ATXN1: variants seen among roughly 807,000 people sequenced by gnomAD.
ATXN1 encodes the protein ataxin 1, also known as ataxin-1.
In ATXN1, 8 loss-of-function variants were observed where a neutral mutation model predicts 56.4. The ratio of observed to expected loss-of-function variants is 0.14; its 90% CI spans 0.08 to 0.26. The LOEUF is 0.26. Ranked by LOEUF, ATXN1 falls within the 10% of genes least tolerant of loss-of-function variation. The pLI, the probability that ATXN1 is intolerant of heterozygous loss-of-function variation, is 1.00. For synonymous variants in ATXN1, 514 were observed against 494.6 expected (o/e 1.04, Z -0.52); for missense variants, 987 against 1,106.5 (o/e 0.89, Z 1.53).
intron 6 of ATXN1, among the ~76,000 whole-genome samples, chr6:16,341,877 A>ATTTTTTTTTTT (rs34092584): frequency 1.2e-5 from 1 of 86,860 alleles, no homozygotes; most frequent in African/African-American, 4.9e-5. Context: ...TGTCTCAGTG[A>ATTTTTTTTTTT]TTTTTTTTTT....
At chr6:16,415,118 G>GT (rs1400261539) in intron 6 of ATXN1, among the ~76,000 whole-genome samples, 7 of 152,222 alleles carry the variant, frequency 4.6e-5, no homozygotes, top group Admixed American at 2.0e-4. Context: ...TTCTATCTTG[G>GT]TTTGTACAAC....
chr6:16,670,409 C>T (rs1485242041), intron 2 of ATXN1, among the ~76,000 whole-genome samples: 1 of 152,158 alleles, frequency 6.6e-6, no homozygotes, highest in Admixed American at 6.5e-5. Context: ...ACTCTCCAAA[C>T]TATCACTAAA....
chr6:16,759,530 G>GTTTTT lies in ATXN1; in HGVS notation c.-730+1763_-730+1767dup, dbSNP rs1046854905. On this transcript the variant is annotated intron_variant, in intron 1 of 7. Transcript: ENST00000436367. ...ATTATATAACCAGCTTCTTCCGACTGTTTTTTTTTTTTTTTTTTTTTTTTT... is the reference window on the plus strand; with the variant it reads ...ATTATATAACCAGCTTCTTCCGACTGTTTTTTTTTTTTTTTTTTTTTTTTTTTTTT... Among the ~76,000 whole-genome samples, 457 of 45,976 alleles carry GTTTTT rather than the reference G, an allele frequency of 9.9e-3. 116 individuals are homozygous for GTTTTT. The highest frequency in any genetic ancestry group is 0.023 in the East Asian group (35 of 1,530). 30.2% of individuals were successfully genotyped at this position (45,976 alleles called of 152,430 possible).
intron 6 of ATXN1, among the ~76,000 whole-genome samples, chr6:16,395,828 C>G (rs138299893): frequency 1.1e-3 from 168 of 151,690 alleles, no homozygotes; most frequent in Non-Finnish European, 1.9e-3. Context: ...CCATCCTGGC[C>G]AACATGGTGA....
At chr6:16,739,867 C>T (rs544043932) in intron 2 of ATXN1, 17 of 456,972 alleles carry the variant, frequency 3.7e-5, no homozygotes, top group Middle Eastern at 3.2e-4. Context: ...GGACTTCCAA[C>T]GAAGATCTTG....
intron 6 of ATXN1, among the ~76,000 whole-genome samples, chr6:16,381,105 C>A (rs1758099632): frequency 6.6e-6 from 1 of 152,158 alleles, no homozygotes; most frequent in Non-Finnish European, 1.5e-5. Context: ...GTCTAGCCAA[C>A]ATGGTGAAAC....
At chr6:16,545,393 CTT>C (rs35242778) in intron 4 of ATXN1, among the ~76,000 whole-genome samples, 1 of 144,260 alleles carries the variant, frequency 6.9e-6, no homozygotes, top group African/African-American at 2.5e-5. Flanking sequence ...GATTTCTTGT[CTT>C]TTTTTTTTTT....
intron 4 of ATXN1, among the ~76,000 whole-genome samples, chr6:16,561,149 C>A (rs1010379096): frequency 4.6e-5 from 7 of 151,972 alleles, no homozygotes; most frequent in Admixed American, 1.3e-4. Flanking sequence ...ATCCCTGATG[C>A]CTTGGGTATC....
rs1158408971 is a variant in ATXN1, at chr6:16,326,295, C to A, written c.1917+99G>T. On this transcript the variant is annotated intron_variant, in intron 7 of 7. Transcript: ENST00000436367. The surrounding 1 kb of genome is among the most constrained non-coding windows in gnomAD (Gnocchi z 6.6). ...TCTAAGGTCTAGGTGTACCCGAGAA[C>A]CCTTAATCCTGCCTCATAGAAGCAA... is the stretch of plus-strand genomic sequence containing the variant. 3.9e-6 allele frequency: 6 copies of A among 1,545,200 alleles called. No homozygotes were observed. In the East Asian group the frequency reaches 9.1e-5, roughly 23 times the overall value.
chr6:16,711,481 T>A (rs141391935), intron 2 of ATXN1, among the ~76,000 whole-genome samples: 2 of 151,582 alleles, frequency 1.3e-5, no homozygotes, highest in South Asian at 2.1e-4. Context: ...TGAGAAAAAA[T>A]TCATATTTCT....
intron 4 of ATXN1, among the ~76,000 whole-genome samples, chr6:16,529,289 A>C (rs1165161508): frequency 6.8e-6 from 1 of 146,732 alleles, no homozygotes; most frequent in East Asian, 2.0e-4. Flanking sequence ...AAAGTTGTGT[A>C]TTAGTGCCCA....
At chr6:16,490,361 A>G (rs967934859) in intron 5 of ATXN1, among the ~76,000 whole-genome samples, 1 of 152,140 alleles carries the variant, frequency 6.6e-6, no homozygotes, top group Admixed American at 6.5e-5. Context: ...TGCTATTCCT[A>G]AAAGAATTTA....
chr6:16,548,067 G>A (rs143703955), intron 4 of ATXN1, among the ~76,000 whole-genome samples: 112 of 152,308 alleles, frequency 7.4e-4, no homozygotes, highest in African/African-American at 2.5e-3. Flanking sequence ...AGATGGGACA[G>A]CCTACTACAC....
chr6:16,326,385 T>C lies in ATXN1; in HGVS notation c.1917+9A>G. On this transcript the variant is annotated intron_variant, in intron 7 of 7. Transcript: ENST00000436367. This position sits in a 1 kb window ranked among gnomAD's most constrained non-coding sequence, Gnocchi z 6.6. Reference sequence around the variant, plus strand: ...TGTCCCATCCCTGTGCCACCCTGGCTAACGTTACCTGGGCTCGGTGCTCCC... The same window carrying C: ...TGTCCCATCCCTGTGCCACCCTGGCCAACGTTACCTGGGCTCGGTGCTCCC... 1 of 1,611,930 alleles carries C rather than the reference T, an allele frequency of 6.2e-7. No homozygotes were observed.
At chr6:16,673,078 T>TAAGGCAAGG (rs1758581588) in intron 2 of ATXN1, among the ~76,000 whole-genome samples, 1 of 151,678 alleles carries the variant, frequency 6.6e-6, no homozygotes, top group Non-Finnish European at 1.5e-5. Context: ...GGATATGAAT[T>TAAGGCAAGG]ATTCTCTAGA....
chr6:16,347,328 T>A (rs12194917), intron 6 of ATXN1, among the ~76,000 whole-genome samples: 76 of 152,366 alleles, frequency 5.0e-4, no homozygotes, highest in Admixed American at 1.6e-3. Context: ...AGAACCTTTA[T>A]GTCTAGCTAA....
At chr6:16,662,147 G>C (rs966307181) in intron 2 of ATXN1, among the ~76,000 whole-genome samples, 1 of 152,154 alleles carries the variant, frequency 6.6e-6, no homozygotes, top group African/African-American at 2.4e-5. Context: ...ACATGGTAGA[G>C]GTGGGACTCA....
intron 2 of ATXN1, among the ~76,000 whole-genome samples, chr6:16,696,431 A>T (rs1759167060): frequency 6.6e-6 from 1 of 152,244 alleles, no homozygotes; most frequent in South Asian, 2.1e-4. Context: ...TATTCACTAT[A>T]TAGTAGCACT....
At position 16,301,101 on chromosome 6, in the gene ATXN1, A is replaced by ATT. The variant is rs1554135817; in HGVS notation, c.*5227_*5228insAA. The ATT allele has an allele frequency of 7.6e-6, 1 of 131,918 alleles. No homozygotes were observed. Among genetic ancestry groups the ATT allele is most frequent in the Admixed American group, 8.0e-5 (1 of 12,572 alleles). The allele number at this position is 131,918 out of a possible 1,614,324, so 8.2% of individuals were successfully genotyped here. On this transcript the variant is annotated 3_prime_UTR_variant, in exon 8 of 8. Transcript: ENST00000436367. ...CCTTCTCTGCTTTTTTTTTTTTACA[A>ATT]ACAAAGTATGAAACTCATTGTTTCA... is the stretch of plus-strand genomic sequence containing the variant.
Sources: allele counts gnomAD v4.1 joint callset (sites outside exome capture counted in the v4.1 genomes callset), GRCh38; gene constraint gnomAD v4.1.1; non-coding constraint Gnocchi (gnomAD v3.1); transcripts MANE v1.5; gene names NCBI Gene and HGNC (gene_info 2026-07-23, HGNC 2026-07-21).